Variants in TAOK3 observed in about 807,000 individuals in gnomAD.
The protein encoded by TAOK3 is serine/threonine-protein kinase TAO3.
In TAOK3, 40 loss-of-function variants were observed where a neutral mutation model predicts 120.4. The observed-to-expected ratio is 0.33, with a 90% CI of 0.26 to 0.43. The LOEUF (loss-of-function observed/expected upper bound fraction) is 0.43. TAOK3 is among the 20% of genes least tolerant of loss of function. The probability of loss-of-function intolerance (pLI) is 1.00; values close to 1 mark genes in which losing one functional copy is unlikely to be tolerated. For missense variants in TAOK3, 821 were observed against 1,112.1 expected (o/e 0.74, Z 3.72); for synonymous variants, 355 against 387.5 (o/e 0.92, Z 0.99).
At chr12:118,152,839 TA>T in intron 19 of TAOK3, 1 of 157,666 alleles carries the variant, frequency 6.3e-6, no homozygotes, top group Non-Finnish European at 1.4e-5. Flanking sequence ...ATGAAAGAAT[TA>T]ATATAAAATC....
At chr12:118,164,503 C>T (rs560778565) in intron 17 of TAOK3, among the ~76,000 whole-genome samples, 13 of 151,990 alleles carry the variant, frequency 8.6e-5, no homozygotes, top group East Asian at 2.0e-4. Context: ...CTGCAACCTC[C>T]GCCTCCAGGG....
chr12:118,171,808 C>T (rs933187507), intron 17 of TAOK3, among the ~76,000 whole-genome samples: 8 of 152,132 alleles, frequency 5.3e-5, no homozygotes, highest in Non-Finnish European at 1.0e-4. Context: ...TTGTTCTGCC[C>T]GCCACTCTAT....
chr12:118,306,739 T>C (rs577455793), intron 1 of TAOK3, among the ~76,000 whole-genome samples: 1 of 152,334 alleles, frequency 6.6e-6, no homozygotes, highest in East Asian at 1.9e-4. Context: ...ATTTTATATA[T>C]TGTACTTTGG....
At chr12:118,368,598 G>A (rs1309292266) in intron 1 of TAOK3, among the ~76,000 whole-genome samples, 1 of 149,870 alleles carries the variant, frequency 6.7e-6, no homozygotes, top group Non-Finnish European at 1.5e-5. Flanking sequence ...TTGAGGTCAG[G>A]AGTTCTAGAT....
chr12:118,217,921 C>T (rs1465886164), intron 9 of TAOK3, among the ~76,000 whole-genome samples: 2 of 129,386 alleles, frequency 1.5e-5, no homozygotes, highest in South Asian at 2.7e-4. Context: ...AGTGCAGTGG[C>T]GTGATCTAGG....
intron 5 of TAOK3, among the ~76,000 whole-genome samples, chr12:118,242,064 G>A (rs148677832): frequency 0.054 from 8,086 of 149,798 alleles, 442 homozygotes; most frequent in East Asian, 0.25. Context: ...TCCAGCCTGG[G>A]CAACAAGAGC....
chr12:118,369,724 G>A (rs780573266), intron 1 of TAOK3, among the ~76,000 whole-genome samples: 2 of 151,562 alleles, frequency 1.3e-5, no homozygotes, highest in Non-Finnish European at 2.9e-5. Context: ...ACTTGAATTC[G>A]ATCTAGCATT....
At chr12:118,347,234 A>C (rs534727231) in intron 1 of TAOK3, among the ~76,000 whole-genome samples, 1 of 152,260 alleles carries the variant, frequency 6.6e-6, no homozygotes, top group East Asian at 1.9e-4. Flanking sequence ...GCTAGGCTTG[A>C]ACTCCTGGGC....
chr12:118,163,685 A>C (rs952197549), intron 17 of TAOK3, among the ~76,000 whole-genome samples: 4 of 151,926 alleles, frequency 2.6e-5, no homozygotes, highest in African/African-American at 9.7e-5. Context: ...TTTATGCTAT[A>C]AGATTTCTGA....
intron 2 of TAOK3, chr12:118,261,444 A>G (rs2041224253): frequency 6.6e-6 from 1 of 152,242 alleles, no homozygotes; most frequent in East Asian, 1.9e-4. Context: ...GAAAAAAAGC[A>G]TGTTAAATAC....
intron 1 of TAOK3, among the ~76,000 whole-genome samples, chr12:118,278,614 T>C (rs1190578097): frequency 6.6e-6 from 1 of 152,174 alleles, no homozygotes; most frequent in African/African-American, 2.4e-5. Context: ...TATGGGTACA[T>C]GAGTCTTTAT....
At chr12:118,348,892 G>A (rs1333299212) in intron 1 of TAOK3, among the ~76,000 whole-genome samples, 1 of 140,910 alleles carries the variant, frequency 7.1e-6, no homozygotes, top group East Asian at 2.1e-4. Flanking sequence ...CTTGTTGCCC[G>A]GGTCTCACTC....
At chr12:118,208,501 A>G (rs184088983) in intron 11 of TAOK3, among the ~76,000 whole-genome samples, 87 of 152,324 alleles carry the variant, frequency 5.7e-4, no homozygotes, top group African/African-American at 2.0e-3. Context: ...GAGATGTTCA[A>G]CATCTCCCAT....
intron 12 of TAOK3, 120 bp downstream of exon 12, chr12:118,201,176 T>TG: frequency 2.1e-6 from 2 of 955,066 alleles, no homozygotes; most frequent in Admixed American, 5.2e-5. Flanking sequence ...CCCTTCATGT[T>TG]TCTTAAGGCG....
At chr12:118,329,071 G>A (rs1305259588) in intron 1 of TAOK3, among the ~76,000 whole-genome samples, 4 of 152,150 alleles carry the variant, frequency 2.6e-5, no homozygotes, top group Non-Finnish European at 4.4e-5. Flanking sequence ...ATTTAACCCA[G>A]TCTCTTAGGG....
intron 11 of TAOK3, among the ~76,000 whole-genome samples, chr12:118,205,653 C>T (rs1020722857): frequency 2.0e-5 from 3 of 152,158 alleles, no homozygotes; most frequent in Non-Finnish European, 2.9e-5. Flanking sequence ...CTCTATCACC[C>T]AGGCTAGAGT....
intron 15 of TAOK3, among the ~76,000 whole-genome samples, chr12:118,180,271 C>T (rs1429803739): frequency 6.9e-6 from 1 of 145,602 alleles, no homozygotes. Flanking sequence ...GACAGGGTCT[C>T]GCTCTGTCAC....
intron 1 of TAOK3, among the ~76,000 whole-genome samples, chr12:118,297,985 G>A (rs2140643615): frequency 6.6e-6 from 1 of 152,232 alleles, no homozygotes. Flanking sequence ...TCACTGTGTT[G>A]CCCAGGCTGG....
chr12:118,181,279 A>T, intron 15 of TAOK3, 92 bp downstream of exon 15: 1 of 1,103,468 alleles, frequency 9.1e-7, no homozygotes, highest in Non-Finnish European at 1.3e-6. Flanking sequence ...ATTTTCCTCC[A>T]TCCCCCACTC....
Sources: gnomAD v4.1 joint callset for allele counts (sites outside exome capture counted in the v4.1 genomes callset) on GRCh38, gnomAD v4.1.1 for gene constraint, MANE v1.5 for transcripts, NCBI Gene and HGNC (gene_info 2026-07-23, HGNC 2026-07-21) for gene names.